The following WWTR1 variants were observed in gnomAD, a reference collection of about 807,000 sequenced individuals.
WWTR1 encodes the protein WW domain containing transcription regulator 1.
In WWTR1, 13 loss-of-function variants were observed where a neutral mutation model predicts 40.1. That is an observed-to-expected ratio of 0.32 (90% confidence interval 0.21 to 0.52). The LOEUF (loss-of-function observed/expected upper bound fraction) is 0.52. Among genes scored for constraint, WWTR1 ranks in the 20% least tolerant of loss-of-function variants. The pLI is 0.97. For missense variants in WWTR1, 436 were observed against 523.1 expected (o/e 0.83, Z 1.63); for synonymous variants, 230 against 210.1 (o/e 1.09, Z -0.82).
chr3:149,616,046 G>GA (rs1739955238), intron 2 of WWTR1, among the ~76,000 whole-genome samples: 2 of 152,182 alleles, frequency 1.3e-5, no homozygotes, highest in Non-Finnish European at 2.9e-5. Context: ...TATCCTCAGT[G>GA]AGAGACATCC....
intron 2 of WWTR1, among the ~76,000 whole-genome samples, chr3:149,653,374 G>C (rs59513967): frequency 0.019 from 2,852 of 152,318 alleles, 92 homozygotes; most frequent in African/African-American, 0.065. Context: ...AATAATGAAT[G>C]AACACAGTGG....
At position 149,583,718 on chromosome 3, in the gene WWTR1, C is replaced by A. The variant is rs76501490; in HGVS notation, c.432-10718G>T. ...AATATGTATGTCGGGATTTGCTAGGCACTCAGTGATGAATTCACGACACTT... is the reference window on the plus strand; with the variant it reads ...AATATGTATGTCGGGATTTGCTAGGAACTCAGTGATGAATTCACGACACTT... On this transcript the variant is annotated intron_variant, in intron 2 of 6. Transcript: ENST00000360632. 7.0e-3 allele frequency among the ~76,000 whole-genome samples: 1,064 copies of A among 152,282 alleles called. 8 individuals carry two copies. The highest frequency in any genetic ancestry group is 0.041 in the East Asian group (214 of 5,182).
chr3:149,608,698 T>C (rs1739598059), intron 2 of WWTR1, among the ~76,000 whole-genome samples: 2 of 152,006 alleles, frequency 1.3e-5, no homozygotes, highest in Non-Finnish European at 2.9e-5. Flanking sequence ...CTAAATAATT[T>C]TTTAAAAGGT....
chr3:149,552,669 C>T (rs1031128252), intron 3 of WWTR1, among the ~76,000 whole-genome samples: 28 of 152,204 alleles, frequency 1.8e-4, no homozygotes, highest in Non-Finnish European at 2.9e-5. Flanking sequence ...ACTTTCCCCA[C>T]AGCACTCATT....
intron 5 of WWTR1, among the ~76,000 whole-genome samples, chr3:149,713,355 T>C (rs1467937543): frequency 6.6e-6 from 1 of 151,950 alleles, no homozygotes; most frequent in Non-Finnish European, 1.5e-5. Context: ...TGAATTTTTA[T>C]TTTATTTTAT....
At chr3:149,594,950 CTT>C (rs563658190) in intron 2 of WWTR1, among the ~76,000 whole-genome samples, 62 of 61,766 alleles carry the variant, frequency 1.0e-3, no homozygotes, top group African/African-American at 2.9e-3. Flanking sequence ...CTCTTTTTTA[CTT>C]TTTTTTTTTT....
chr3:149,599,067 G>C (rs1258523029), intron 2 of WWTR1, among the ~76,000 whole-genome samples: 2 of 152,154 alleles, frequency 1.3e-5, no homozygotes, highest in African/African-American at 4.8e-5. Flanking sequence ...GATTATATCA[G>C]TCCATAAGGT....
chr3:149,547,531 AAAAAG>A (rs929751362), intron 3 of WWTR1, among the ~76,000 whole-genome samples: 1 of 152,062 alleles, frequency 6.6e-6, no homozygotes, highest in Non-Finnish European at 1.5e-5. Context: ...CAGCTTAAAA[AAAAAG>A]AAAAGAAAAG....
intron 1 of WWTR1, among the ~76,000 whole-genome samples, chr3:149,700,078 C>T (rs942302781): frequency 6.6e-6 from 1 of 152,338 alleles, no homozygotes; most frequent in East Asian, 1.9e-4. Flanking sequence ...CTGGTGAGGG[C>T]TTCAGGAACT....
intron 1 of WWTR1, among the ~76,000 whole-genome samples, chr3:149,677,212 G>A (rs562816100): frequency 3.0e-4 from 46 of 152,044 alleles, no homozygotes; most frequent in African/African-American, 8.9e-4. Flanking sequence ...CACCGCACCC[G>A]GCTGAGACTC....
intron 2 of WWTR1, among the ~76,000 whole-genome samples, chr3:149,654,975 A>G (rs1713112441): frequency 6.6e-6 from 1 of 151,574 alleles, no homozygotes; most frequent in Non-Finnish European, 1.5e-5. Flanking sequence ...AAATACAAAA[A>G]AGTAGCCGGG....
chr3:149,724,499 T>TAAA (rs11382942), intron 3 of WWTR1, among the ~76,000 whole-genome samples: 7 of 146,454 alleles, frequency 4.8e-5, no homozygotes, highest in Non-Finnish European at 7.5e-5. Flanking sequence ...CCAGACTCCT[T>TAAA]AAAAAAAAAA....
chr3:149,707,396 T>C (rs1221823465), upstream of WWTR1, among the ~76,000 whole-genome samples: 4 of 152,206 alleles, frequency 2.6e-5, no homozygotes, highest in Admixed American at 1.3e-4. Context: ...TAGGGACACA[T>C]TGAATATTCA....
intron 2 of WWTR1, among the ~76,000 whole-genome samples, chr3:149,621,206 C>T (rs1740249819): frequency 6.6e-6 from 1 of 152,138 alleles, no homozygotes; most frequent in Admixed American, 6.5e-5. Flanking sequence ...TTTTAGGCCT[C>T]CCTTATAAAG....
chr3:149,613,061 G>C (rs1162025559), intron 2 of WWTR1, among the ~76,000 whole-genome samples: 1 of 152,182 alleles, frequency 6.6e-6, no homozygotes, highest in Non-Finnish European at 1.5e-5. Flanking sequence ...AGGTGGGTAG[G>C]CTGGCAGCAG....
Position 149,570,543 on chromosome 3 carries a change from G to A in WWTR1, c.568+2321C>T, listed in dbSNP as rs547567556. Among the ~76,000 whole-genome samples, 7 of 151,196 alleles carry A rather than the reference G, an allele frequency of 4.6e-5. No individual in the cohort carries two copies. In the South Asian group the frequency reaches 1.3e-3, roughly 27 times the overall value. On this transcript the variant is annotated intron_variant, in intron 3 of 6. Transcript: ENST00000360632. ...AGATCGTGCCACTGCACTCCAGCCC[G>A]GATGACAGGGTGAGCCTCTTTCTCA...
At chr3:149,544,442 T>A (rs1485614919) in intron 3 of WWTR1, among the ~76,000 whole-genome samples, 1 of 152,142 alleles carries the variant, frequency 6.6e-6, no homozygotes, top group Non-Finnish European at 1.5e-5. Context: ...CCTGCCTTCA[T>A]GAGAACTAAC....
intron 1 of WWTR1, among the ~76,000 whole-genome samples, chr3:149,689,660 A>G (rs950289971): frequency 5.3e-5 from 8 of 152,138 alleles, no homozygotes; most frequent in African/African-American, 1.9e-4. Flanking sequence ...AACATGAAGG[A>G]GAAATAAAGA....
At chr3:149,553,503 C>T (rs947192291) in intron 3 of WWTR1, among the ~76,000 whole-genome samples, 1 of 151,700 alleles carries the variant, frequency 6.6e-6, no homozygotes, top group Non-Finnish European at 1.5e-5. Flanking sequence ...GCATTTTGTT[C>T]TTCAATCCTC....
Sources: allele counts gnomAD v4.1 joint callset (sites outside exome capture counted in the v4.1 genomes callset), GRCh38; gene constraint gnomAD v4.1.1; transcripts MANE v1.5; gene names NCBI Gene and HGNC (gene_info 2026-07-23, HGNC 2026-07-21).